The following CADM2 variants were observed in gnomAD, a reference collection of about 807,000 sequenced individuals.
CADM2 encodes the protein cell adhesion molecule 2.
A neutral mutation model predicts 49.8 loss-of-function variants in CADM2; 12 were observed. That is an observed-to-expected ratio of 0.24 (90% CI 0.15 to 0.39). The LOEUF (loss-of-function observed/expected upper bound fraction) is 0.39. Among genes scored for constraint, CADM2 ranks in the 10% least tolerant of loss-of-function variants. The pLI, the probability that CADM2 is intolerant of heterozygous loss-of-function variation, is 1.00. For missense variants in CADM2, 378 were observed against 492.3 expected, an observed-to-expected ratio of 0.77 and a Z score of 2.20; for synonymous variants, 214 against 175.4, an observed-to-expected ratio of 1.22 and a Z score of -1.74.
intron 1 of CADM2, among the ~76,000 whole-genome samples, chr3:85,545,568 T>C (rs575527865): frequency 6.6e-6 from 1 of 152,306 alleles, no homozygotes; most frequent in East Asian, 1.9e-4. Flanking sequence ...AAGCTCAAGT[T>C]CAATGTGTCT....
chr3:85,836,122 A>G (rs1171447484), intron 3 of CADM2, among the ~76,000 whole-genome samples: 1 of 151,588 alleles, frequency 6.6e-6, no homozygotes, highest in East Asian at 1.9e-4. Context: ...CAAAGGGACT[A>G]AAGCACTCTG....
intron 3 of CADM2, among the ~76,000 whole-genome samples, chr3:85,880,297 T>C (rs898954884): frequency 1.1e-4 from 17 of 152,136 alleles, no homozygotes; most frequent in Non-Finnish European, 2.4e-4. Context: ...CTTCTATATA[T>C]GGTGGACATT....
chr3:85,793,218 T>A (rs1264969130), intron 2 of CADM2, among the ~76,000 whole-genome samples: 1 of 152,218 alleles, frequency 6.6e-6, no homozygotes, highest in East Asian at 1.9e-4. Flanking sequence ...ATCATTGCTC[T>A]TCATTAAAAT....
intron 1 of CADM2, among the ~76,000 whole-genome samples, chr3:85,090,838 G>A (rs2037568512): frequency 6.6e-6 from 1 of 152,188 alleles, no homozygotes; most frequent in Non-Finnish European, 1.5e-5. Context: ...ACTAATGCCT[G>A]ATGATCTGAG....
At chr3:85,751,751 C>T (rs147512744) in intron 2 of CADM2, among the ~76,000 whole-genome samples, 4 of 152,158 alleles carry the variant, frequency 2.6e-5, no homozygotes, top group Admixed American at 6.6e-5. Flanking sequence ...CGACAACCAA[C>T]ACTTGCAATT....
intron 6 of CADM2, among the ~76,000 whole-genome samples, chr3:85,931,793 TAATAA>T (rs1332552350): frequency 5.9e-5 from 9 of 151,946 alleles, no homozygotes; most frequent in African/African-American, 1.9e-4. Flanking sequence ...GGAATTCAAA[TAATAA>T]AATAGAACAT....
At chr3:85,492,208 T>G (rs781151408) in intron 1 of CADM2, among the ~76,000 whole-genome samples, 33 of 152,244 alleles carry the variant, frequency 2.2e-4, no homozygotes, top group Non-Finnish European at 5.9e-5. Context: ...ATTTAACTTA[T>G]TGAAATCTTT....
chr3:85,605,363 G>A (rs924435277), intron 1 of CADM2, among the ~76,000 whole-genome samples: 3 of 151,984 alleles, frequency 2.0e-5, no homozygotes, highest in African/African-American at 4.8e-5. Flanking sequence ...TAAGAGAGAA[G>A]AATTTTTAGA....
At chr3:85,642,102 A>AT (rs2064736025) in intron 1 of CADM2, among the ~76,000 whole-genome samples, 1 of 152,162 alleles carries the variant, frequency 6.6e-6, no homozygotes, top group South Asian at 2.1e-4. Flanking sequence ...TATTTGCCAG[A>AT]TATAATGGGA....
At chr3:85,521,967 C>T (rs2061035607) in intron 1 of CADM2, among the ~76,000 whole-genome samples, 1 of 151,968 alleles carries the variant, frequency 6.6e-6, no homozygotes, top group Non-Finnish European at 1.5e-5. Flanking sequence ...CTGGGGCGTG[C>T]TAGCTAGCAA....
intron 1 of CADM2, among the ~76,000 whole-genome samples, chr3:85,533,510 A>G (rs1193419955): frequency 4.6e-5 from 7 of 152,198 alleles, no homozygotes; most frequent in Admixed American, 1.3e-4. Context: ...TAGGAAATTA[A>G]TGAAAATTTG....
chr3:85,252,982 C>G, intron 1 of CADM2, among the ~76,000 whole-genome samples: 1 of 151,898 alleles, frequency 6.6e-6, no homozygotes, highest in East Asian at 1.9e-4. Context: ...ATTTCTTTTC[C>G]TAATACAATA....
chr3:85,888,594 C>T (rs888562693), intron 5 of CADM2, among the ~76,000 whole-genome samples: 3 of 152,166 alleles, frequency 2.0e-5, no homozygotes, highest in Non-Finnish European at 4.4e-5. Flanking sequence ...TTGCATCTAT[C>T]TATCTGTCTA....
At chr3:85,471,133 G>A (rs2038745626) in intron 1 of CADM2, among the ~76,000 whole-genome samples, 1 of 152,024 alleles carries the variant, frequency 6.6e-6, no homozygotes, top group Non-Finnish European at 1.5e-5. Flanking sequence ...TCTTAAAATA[G>A]CCTAAAAGTG....
chr3:85,934,762 G>T lies in CADM2; in HGVS notation c.701-1005G>T, dbSNP rs570535221. ...CAATCGGTAGTAACTCATTTAACTG[G>T]CTCTAAAATCAAAGAATGTATATAA... On this transcript the variant is annotated intron_variant, in intron 6 of 9. Transcript: ENST00000383699. Among the ~76,000 whole-genome samples, 7 of 152,008 alleles carry T rather than the reference G, an allele frequency of 4.6e-5. No individual in the cohort carries two copies. The South Asian group carries it at 1.4e-3, about 31-fold the overall frequency.
In CADM2 at chr3:85,298,822, A is replaced by G. The variant is rs9878308; in HGVS notation, c.61+339154A>G. Among the ~76,000 whole-genome samples the G allele has an allele frequency of 4.8e-3, 726 of 152,274 alleles. 4 individuals are homozygous for G. The highest frequency in any genetic ancestry group is 0.027 in the Middle Eastern group (8 of 294). On this transcript the variant is annotated intron_variant, in intron 1 of 9. Transcript: ENST00000383699. ...ATTGTAAAACAAAAACTCAGTAAGAAGGATAACATATAGTCATTGAGTTAT... is the reference window on the plus strand; with the variant it reads ...ATTGTAAAACAAAAACTCAGTAAGAGGGATAACATATAGTCATTGAGTTAT...
chr3:85,701,726 T>C (rs2066759047), intron 1 of CADM2, among the ~76,000 whole-genome samples: 1 of 152,152 alleles, frequency 6.6e-6, no homozygotes, highest in Non-Finnish European at 1.5e-5. Context: ...TCTAAACTGG[T>C]AAATTTTACC....
intron 1 of CADM2, among the ~76,000 whole-genome samples, chr3:85,209,320 G>T (rs1378512577): frequency 6.6e-5 from 10 of 152,072 alleles, no homozygotes; most frequent in Admixed American, 6.5e-4. Context: ...AGTGCTTTGT[G>T]TGCATTTACT....
At chr3:85,687,578 G>A (rs936133873) in intron 1 of CADM2, among the ~76,000 whole-genome samples, 2 of 152,056 alleles carry the variant, frequency 1.3e-5, no homozygotes, top group Non-Finnish European at 2.9e-5. Context: ...AAGGAAATTA[G>A]TATATATATT....
Sources: gnomAD v4.1 joint callset for allele counts (sites outside exome capture counted in the v4.1 genomes callset) on GRCh38, gnomAD v4.1.1 for gene constraint, MANE v1.5 for transcripts, NCBI Gene and HGNC (gene_info 2026-07-23, HGNC 2026-07-21) for gene names.